Variants in ATG10 observed in about 807,000 individuals in gnomAD.
ATG10 encodes the protein autophagy related 10.
Under a neutral mutation model 32.1 loss-of-function variants are expected in ATG10, and 30 were observed. That is an observed-to-expected ratio of 0.94 (90% CI 0.70 to 1.27). The LOEUF (loss-of-function observed/expected upper bound fraction) is 1.27, where lower values mean the gene tolerates loss of function less well. ATG10 is among the 50% of genes most tolerant of loss of function. The pLI, the probability that ATG10 is intolerant of heterozygous loss-of-function variation, is 0.00. For synonymous variants in ATG10, 87 were observed against 91.5 expected (o/e 0.95, Z 0.28); for missense variants, 233 against 262.3 (o/e 0.89, Z 0.77).
At chr5:82,185,642 A>C (rs990776643) in intron 5 of ATG10, among the ~76,000 whole-genome samples, 2 of 151,970 alleles carry the variant, frequency 1.3e-5, no homozygotes, top group Non-Finnish European at 2.9e-5. Context: ...AAAACACAAC[A>C]AAAAAAACAT....
intron 4 of ATG10, among the ~76,000 whole-genome samples, chr5:82,169,446 A>T (rs1743718564): frequency 1.3e-5 from 2 of 150,298 alleles, no homozygotes; most frequent in Admixed American, 6.6e-5. Flanking sequence ...TCGGGGAAAG[A>T]TGTATTATTG....
chr5:82,087,547 T>C (rs1044617520), intron 3 of ATG10, among the ~76,000 whole-genome samples: 6 of 152,182 alleles, frequency 3.9e-5, no homozygotes, highest in African/African-American at 1.4e-4. Context: ...TGTCACTTAT[T>C]AATTCAGCAA....
chr5:82,019,161 A>T lies in ATG10; in HGVS notation c.108+31483A>T, dbSNP rs953817524. 5.3e-5 allele frequency among the ~76,000 whole-genome samples: 8 copies of T among 152,306 alleles called. No individual in the cohort carries two copies. The South Asian group carries it at 1.7e-3, about 32-fold the overall frequency. On this transcript the variant is annotated intron_variant, in intron 2 of 7. Transcript: ENST00000282185. ...TTTATTTGAAAAATTTTGAGAAATT[A>T]AAAAACAAGTCAGTATTCCTTTTTT...
rs372115551 is a variant in ATG10, at chr5:82,057,129, G to A, written c.109-1366G>A. On this transcript the variant is annotated intron_variant, in intron 2 of 7. Transcript: ENST00000282185. ...CTGTGACAGAGGCATCAACCAATCA[G>A]AATGAGTTGGATCTAACCAATCAAC... Among the ~76,000 whole-genome samples, 57 of 152,280 alleles carry A rather than the reference G, an allele frequency of 3.7e-4. No homozygotes were observed. The South Asian group carries it at 0.012, about 32-fold the overall frequency.
intron 1 of ATG10, among the ~76,000 whole-genome samples, chr5:81,974,647 C>T (rs1157326733): frequency 6.6e-6 from 1 of 152,044 alleles, no homozygotes; most frequent in Non-Finnish European, 1.5e-5. Context: ...CTAAGTTGCC[C>T]AGGCTGGAGT....
At chr5:82,065,704 A>G (rs1188047709) in intron 3 of ATG10, among the ~76,000 whole-genome samples, 1 of 151,610 alleles carries the variant, frequency 6.6e-6, no homozygotes, top group Non-Finnish European at 1.5e-5. Flanking sequence ...ACGTGATTTA[A>G]CAATTGATCT....
At chr5:82,003,191 A>G (rs1028114088) in intron 2 of ATG10, among the ~76,000 whole-genome samples, 1 of 152,234 alleles carries the variant, frequency 6.6e-6, no homozygotes, top group Non-Finnish European at 1.5e-5. Context: ...TTACAATGTA[A>G]GATAAAAGTG....
Position 82,202,700 on chromosome 5 carries a change from C to T in ATG10, c.453+24113C>T, listed in dbSNP as rs1338343839. ...TCCAGATCTGCTGTTCCATGTAGTT[C>T]CGTGTGACTAGTACTACTCTTGAGC... On this transcript the variant is annotated intron_variant, in intron 5 of 7. Coordinates refer to ENST00000282185, the MANE Select transcript of ATG10 (RefSeq NM_031482.5). Among the ~76,000 whole-genome samples, 4 of 152,214 alleles carry T rather than the reference C, an allele frequency of 2.6e-5. 1 individual carries two copies. In the East Asian group the frequency reaches 7.7e-4, roughly 29 times the overall value.
chr5:81,974,408 C>T (rs534414436), intron 1 of ATG10, among the ~76,000 whole-genome samples: 75 of 152,314 alleles, frequency 4.9e-4, no homozygotes, highest in Non-Finnish European at 7.8e-4. Context: ...ATGTGCTTAC[C>T]TGATCACATA....
chr5:81,983,298 C>T (rs2149660160), intron 1 of ATG10, among the ~76,000 whole-genome samples: 1 of 146,736 alleles, frequency 6.8e-6, no homozygotes, highest in East Asian at 2.1e-4. Flanking sequence ...ACCCCCCCAC[C>T]TCCTTCCCGG....
intron 2 of ATG10, among the ~76,000 whole-genome samples, chr5:82,045,774 T>G (rs945764669): frequency 2.0e-5 from 3 of 152,148 alleles, no homozygotes; most frequent in Admixed American, 6.5e-5. Flanking sequence ...CTATCCTCCC[T>G]CTTTCCTTCC....
chr5:82,045,938 A>G (rs1398400351), intron 2 of ATG10, among the ~76,000 whole-genome samples: 2 of 152,112 alleles, frequency 1.3e-5, no homozygotes, highest in African/African-American at 2.4e-5. Context: ...TCCATGGATA[A>G]AAAGCAGTGA....
intron 3 of ATG10, among the ~76,000 whole-genome samples, chr5:82,120,796 G>T (rs534576444): frequency 1.3e-5 from 2 of 152,166 alleles, no homozygotes; most frequent in African/African-American, 2.4e-5. Context: ...AACTGTTATT[G>T]CTTAGCCAAG....
At chr5:82,030,879 T>A (rs1333265600) in intron 2 of ATG10, among the ~76,000 whole-genome samples, 7 of 152,212 alleles carry the variant, frequency 4.6e-5, no homozygotes, top group Admixed American at 3.9e-4. Flanking sequence ...GTTGGATATT[T>A]TTTAGCCTAC....
At chr5:82,069,943 A>G (rs1764067557) in intron 3 of ATG10, among the ~76,000 whole-genome samples, 1 of 152,184 alleles carries the variant, frequency 6.6e-6, no homozygotes, top group South Asian at 2.1e-4. Context: ...CATAAATGTG[A>G]TATGGGAACT....
At chr5:82,164,341 A>G (rs1454136822) in intron 3 of ATG10, 58 bp from the exon 4 acceptor site, 4 of 1,518,714 alleles carry the variant, frequency 2.6e-6, no homozygotes, top group South Asian at 2.3e-5. Flanking sequence ...TTTCCTCTCC[A>G]TGTTAGTACT....
chr5:82,057,853 G>A (rs1053494617), intron 2 of ATG10, among the ~76,000 whole-genome samples: 2 of 152,082 alleles, frequency 1.3e-5, no homozygotes, highest in Non-Finnish European at 2.9e-5. Context: ...TTTCTTCAGC[G>A]CTTGGAAGAA....
intron 2 of ATG10, among the ~76,000 whole-genome samples, chr5:82,048,882 A>C (rs1236100794): frequency 2.0e-5 from 3 of 152,194 alleles, no homozygotes; most frequent in Non-Finnish European, 2.9e-5. Flanking sequence ...GGCAATCATT[A>C]AAAAGTCAGG....
chr5:82,243,409 A>T (rs1746882708), intron 5 of ATG10, among the ~76,000 whole-genome samples: 1 of 152,136 alleles, frequency 6.6e-6, no homozygotes. Context: ...TGGATATTTA[A>T]AAATCCGTCT....
Sources: allele counts gnomAD v4.1 joint callset (sites outside exome capture counted in the v4.1 genomes callset), GRCh38; gene constraint gnomAD v4.1.1; transcripts MANE v1.5; gene names NCBI Gene and HGNC (gene_info 2026-07-23, HGNC 2026-07-21).